The following MGAT4C variants were observed in gnomAD, a reference collection of about 807,000 sequenced individuals.
MGAT4C encodes alpha-1,3-mannosyl-glycoprotein 4-beta-N-acetylglucosaminyltransferase C.
MGAT4C carries 19 observed loss-of-function variants against 40.1 expected under a neutral mutation model. The observed-to-expected ratio is 0.47, with a 90% CI of 0.33 to 0.70. MGAT4C has a LOEUF of 0.70. Among genes scored for constraint, MGAT4C ranks in the 30% least tolerant of loss-of-function variants. MGAT4C has a pLI of 0.02. For synonymous variants in MGAT4C, 181 were observed against 187.1 expected, an observed-to-expected ratio of 0.97 and a Z score of 0.27; for missense variants, 491 against 563.2, an observed-to-expected ratio of 0.87 and a Z score of 1.30.
intron 4 of MGAT4C, among the ~76,000 whole-genome samples, chr12:86,331,236 C>A (rs140872270): frequency 1.3e-5 from 2 of 152,134 alleles, no homozygotes; most frequent in African/African-American, 4.8e-5. Flanking sequence ...TGCTTCCAAG[C>A]GGTTGCATCC....
intron 1 of MGAT4C, among the ~76,000 whole-genome samples, chr12:86,163,195 C>A (rs1462554603): frequency 6.6e-6 from 1 of 151,928 alleles, no homozygotes; most frequent in Non-Finnish European, 1.5e-5. Context: ...AATTAGAAAT[C>A]ATCCTCCCCC....
chr12:86,051,179 T>A (rs1423686658), intron 1 of MGAT4C, among the ~76,000 whole-genome samples: 1 of 152,016 alleles, frequency 6.6e-6, no homozygotes, highest in African/African-American at 2.4e-5. Flanking sequence ...AAAACAGCAT[T>A]GGTTTTGAAA....
At chr12:86,168,462 T>C (rs983532895) in intron 1 of MGAT4C, among the ~76,000 whole-genome samples, 8 of 152,096 alleles carry the variant, frequency 5.3e-5, no homozygotes, top group African/African-American at 1.9e-4. Context: ...AGATATTGTA[T>C]AAAGCTGCTA....
intron 2 of MGAT4C, among the ~76,000 whole-genome samples, chr12:86,568,387 G>A (rs377666848): frequency 3.3e-5 from 5 of 152,064 alleles, no homozygotes; most frequent in African/African-American, 1.2e-4. Context: ...TACACTAGTG[G>A]TCTGCCAGAG....
At chr12:86,555,487 A>C (rs1959565072) in intron 2 of MGAT4C, among the ~76,000 whole-genome samples, 1 of 152,050 alleles carries the variant, frequency 6.6e-6, no homozygotes, top group African/African-American at 2.4e-5. Flanking sequence ...TGGACTTTGG[A>C]ACACCAAGCT....
At chr12:86,490,058 A>C (rs190652666) in intron 2 of MGAT4C, among the ~76,000 whole-genome samples, 1 of 152,254 alleles carries the variant, frequency 6.6e-6, no homozygotes, top group East Asian at 1.9e-4. Context: ...ACTCAGATTC[A>C]GGAAATATAG....
chr12:86,263,173 T>C (rs1421549085), intron 4 of MGAT4C, among the ~76,000 whole-genome samples: 1 of 152,054 alleles, frequency 6.6e-6, no homozygotes, highest in Non-Finnish European at 1.5e-5. Context: ...GCCAAACAAA[T>C]ATTCTAAATT....
At chr12:86,348,740 T>G (rs1422535540) in intron 3 of MGAT4C, among the ~76,000 whole-genome samples, 1 of 152,130 alleles carries the variant, frequency 6.6e-6, no homozygotes, top group Non-Finnish European at 1.5e-5. Context: ...GTTTTTCCTC[T>G]GTGAAAACTT....
chr12:86,065,149 T>A (rs759347038), intron 1 of MGAT4C, among the ~76,000 whole-genome samples: 1 of 152,250 alleles, frequency 6.6e-6, no homozygotes, highest in Admixed American at 6.5e-5. Flanking sequence ...AGAGCTGGTA[T>A]CATTCCTTCT....
chr12:86,651,362 A>G (rs1963691921), intron 2 of MGAT4C, among the ~76,000 whole-genome samples: 1 of 151,908 alleles, frequency 6.6e-6, no homozygotes, highest in Non-Finnish European at 1.5e-5. Context: ...AGGTAGCCAC[A>G]GAGCAGCAAG....
At chr12:86,112,632 A>G (rs2135649107) in intron 1 of MGAT4C, among the ~76,000 whole-genome samples, 1 of 151,850 alleles carries the variant, frequency 6.6e-6, no homozygotes, top group East Asian at 1.9e-4. Flanking sequence ...ATAATGACCA[A>G]CGAAGTATTA....
intron 3 of MGAT4C, among the ~76,000 whole-genome samples, chr12:86,412,868 T>C (rs551133377): frequency 8.4e-4 from 128 of 152,268 alleles, no homozygotes; most frequent in African/African-American, 3.0e-3. Flanking sequence ...TGGAAGGTGA[T>C]TGGATCATCA....
At chr12:86,209,700 G>A (rs1950385552) in intron 1 of MGAT4C, among the ~76,000 whole-genome samples, 1 of 152,106 alleles carries the variant, frequency 6.6e-6, no homozygotes, top group Admixed American at 6.5e-5. Context: ...GGCAGGCCTA[G>A]TCATTAAAGA....
At chr12:86,592,478 T>TA (rs199992024) in intron 2 of MGAT4C, among the ~76,000 whole-genome samples, 282 of 152,112 alleles carry the variant, frequency 1.9e-3, no homozygotes, top group Admixed American at 3.6e-3. Context: ...TCACATTTTT[T>TA]AAAAAAAAGT....
intron 3 of MGAT4C, among the ~76,000 whole-genome samples, chr12:86,389,506 T>G (rs1409647014): frequency 4.0e-4 from 61 of 152,192 alleles, no homozygotes; most frequent in Admixed American, 4.0e-3. Flanking sequence ...AGTGAACATA[T>G]GTGTGCATGA....
intron 2 of MGAT4C, among the ~76,000 whole-genome samples, chr12:86,013,263 T>G (rs765876619): frequency 6.6e-6 from 1 of 151,954 alleles, no homozygotes; most frequent in Non-Finnish European, 1.5e-5. Context: ...ACCAAGTAAT[T>G]TTTTTTTGGA....
chr12:86,635,402 C>T (rs1220055612), intron 2 of MGAT4C, among the ~76,000 whole-genome samples: 1 of 152,018 alleles, frequency 6.6e-6, no homozygotes, highest in Non-Finnish European at 1.5e-5. Flanking sequence ...GTCTCAGTCA[C>T]ACATCAATTA....
At chr12:86,304,492 A>G (rs1953887955) in intron 4 of MGAT4C, among the ~76,000 whole-genome samples, 1 of 150,720 alleles carries the variant, frequency 6.6e-6, no homozygotes, top group Admixed American at 6.6e-5. Context: ...ATGCATCATC[A>G]AATATCCTAA....
At chr12:86,772,049 C>A (rs534805520) in intron 1 of MGAT4C, among the ~76,000 whole-genome samples, 1 of 152,206 alleles carries the variant, frequency 6.6e-6, no homozygotes, top group Admixed American at 6.5e-5. Flanking sequence ...TATGGAAAAT[C>A]CTCAGCATAT....
Sources: gnomAD v4.1 joint callset for allele counts (sites outside exome capture counted in the v4.1 genomes callset) on GRCh38, gnomAD v4.1.1 for gene constraint, MANE v1.5 for transcripts, NCBI Gene and HGNC (gene_info 2026-07-23, HGNC 2026-07-21) for gene names.